VTI1B: variants seen among roughly 807,000 people sequenced by gnomAD.
VTI1B encodes vesicle transport through interaction with t-SNAREs homolog 1B.
In VTI1B, 18 loss-of-function variants were observed where a neutral mutation model predicts 28.6. The observed-to-expected ratio is 0.63, with a 90% CI of 0.43 to 0.93. The LOEUF (loss-of-function observed/expected upper bound fraction) is 0.93, where lower values mean the gene tolerates loss of function less well. Ranked by LOEUF, VTI1B falls within the 40% of genes least tolerant of loss-of-function variation. The pLI is 0.00. For missense variants in VTI1B, 283 were observed against 297.0 expected (o/e 0.95, Z 0.35); for synonymous variants, 100 against 107.9 (o/e 0.93, Z 0.46).
intron 3 of VTI1B, among the ~76,000 whole-genome samples, chr14:67,659,462 C>G (rs986314558): frequency 2.7e-5 from 4 of 150,826 alleles, no homozygotes; most frequent in African/African-American, 4.9e-5. Flanking sequence ...CTACTACATA[C>G]AAAGCACTGT....
intron 1 of VTI1B, among the ~76,000 whole-genome samples, chr14:67,669,220 G>A (rs2037437367): frequency 6.6e-6 from 1 of 151,688 alleles, no homozygotes; most frequent in African/African-American, 2.4e-5. Context: ...TTGAATTCTT[G>A]CTGTTAAATA....
intron 2 of VTI1B, among the ~76,000 whole-genome samples, chr14:67,662,056 T>G (rs1236752131): frequency 1.3e-5 from 2 of 151,626 alleles, no homozygotes; most frequent in African/African-American, 4.9e-5. Flanking sequence ...CTTGGGAGGC[T>G]GAGGCAGGAG....
intron 1 of VTI1B, among the ~76,000 whole-genome samples, chr14:67,664,415 G>A (rs962150621): frequency 9.2e-5 from 14 of 152,156 alleles, no homozygotes; most frequent in African/African-American, 3.4e-4. Context: ...TTGCACGTAT[G>A]GGGATATGGC....
chr14:67,650,748 A>G lies in VTI1B; in HGVS notation c.*637T>C, dbSNP rs368075714. 1.2e-5 allele frequency: 20 copies of G among 1,613,962 alleles called. No individual in the cohort carries two copies. The highest frequency in any genetic ancestry group is 1.6e-5 in the Non-Finnish European group (19 of 1,180,010). On this transcript the variant is annotated 3_prime_UTR_variant, in exon 6 of 6. Coordinates refer to ENST00000554659, the MANE Select transcript of VTI1B (RefSeq NM_006370.3). Reference sequence around the variant, plus strand: ...TCAGCACTGGATCTTGTTGAAGTCAATCCTCAGTTGGCCACCTCAGAGGAA... The same window carrying G: ...TCAGCACTGGATCTTGTTGAAGTCAGTCCTCAGTTGGCCACCTCAGAGGAA...
chr14:67,656,368 C>T, intron 4 of VTI1B, 48 bp downstream of exon 4: 1 of 1,474,426 alleles, frequency 6.8e-7, no homozygotes, highest in Non-Finnish European at 9.1e-7. Flanking sequence ...GTGCAGTGGC[C>T]CCCTAATTAC....
chr14:67,674,478 G>A lies in VTI1B; in HGVS notation c.12C>T (p.Ser4=), dbSNP rs898858539. The A allele has an allele frequency of 8.7e-6, 14 of 1,605,540 alleles. No homozygotes were observed. In the Admixed American group the frequency reaches 2.0e-4, roughly 23 times the overall value. MAS[S]AASSEHFEKL... is the part of the protein sequence containing the mutation. Reference sequence around the variant, plus strand: ...TCTCGAAATGCTCCGAGGAGGCGGCGGAGGAGGCCATGGCGCAGGCCGCGC... The same window carrying A: ...TCTCGAAATGCTCCGAGGAGGCGGCAGAGGAGGCCATGGCGCAGGCCGCGC... Residue 4 remains serine (S), a synonymous_variant, in exon 1 of 6, where the codon TCC becomes TCT. Transcript: ENST00000554659.
At chr14:67,662,190 A>AC (rs1235408308) in intron 2 of VTI1B, among the ~76,000 whole-genome samples, 117 of 151,830 alleles carry the variant, frequency 7.7e-4, no homozygotes, top group African/African-American at 2.6e-3. Flanking sequence ...AAAAAAAAAA[A>AC]CAACAGATTT....
chr14:67,650,526 C>T lies in VTI1B; in HGVS notation c.*859G>A, dbSNP rs185690128. The T allele has an allele frequency of 1.3e-5, 8 of 607,014 alleles. No homozygotes were observed. Among genetic ancestry groups the T allele is most frequent in the Non-Finnish European group, 2.1e-5 (7 of 340,976 alleles). 37.6% of individuals were successfully genotyped at this position (607,014 alleles called of 1,614,324 possible). A position where few individuals can be genotyped will look rare whatever the true frequency, so the allele number is the denominator to read the frequency against. Reference sequence around the variant, plus strand: ...AGGTTTCTTTTAATCTACTATAGCACAACAGTGTTTTAACTTAAATTCATG... The same window carrying T: ...AGGTTTCTTTTAATCTACTATAGCATAACAGTGTTTTAACTTAAATTCATG... On this transcript the variant is annotated 3_prime_UTR_variant, in exon 6 of 6. Coordinates refer to ENST00000554659, the MANE Select transcript of VTI1B (RefSeq NM_006370.3).
chr14:67,659,705 A>C, intron 3 of VTI1B, 26 bp downstream of exon 3: 1 of 1,569,318 alleles, frequency 6.4e-7, no homozygotes, highest in Non-Finnish European at 8.6e-7. Context: ...AGGAAAAAAA[A>C]AACAAACAAA....
At position 67,651,654 on chromosome 14, in the gene VTI1B, A is replaced by ACTGT. The variant is rs144386162; in HGVS notation, c.603-177_603-174dup. The stretch of plus-strand genomic sequence containing the variant: ...TCTTTAGCTGTCACTTAGGGATAAC[A>ACTGT]CTGTCTACCTCACAGAAATGTTAAA... On this transcript the variant is annotated intron_variant, in intron 5 of 5. Coordinates refer to ENST00000554659, the MANE Select transcript of VTI1B (RefSeq NM_006370.3). The ACTGT allele has an allele frequency of 1.5e-3, 807 of 555,020 alleles. 9 individuals are homozygous for ACTGT. The highest frequency in any genetic ancestry group is 0.014 in the African/African-American group (727 of 52,148). 34.4% of individuals were successfully genotyped at this position (555,020 alleles called of 1,614,324 possible). A position where few individuals can be genotyped will look rare whatever the true frequency, so the allele number is the denominator to read the frequency against.
chr14:67,668,661 GA>G (rs11417718), intron 1 of VTI1B, among the ~76,000 whole-genome samples: 2 of 151,998 alleles, frequency 1.3e-5, no homozygotes, highest in Non-Finnish European at 2.9e-5. Context: ...GAAACACAGT[GA>G]AAAAAAGACA....
intron 2 of VTI1B, among the ~76,000 whole-genome samples, chr14:67,661,086 ACAAG>A (rs1201478937): frequency 6.6e-6 from 1 of 152,050 alleles, no homozygotes; most frequent in African/African-American, 2.4e-5. Context: ...CTGATCTTCA[ACAAG>A]CAAGAAGGAA....
chr14:67,657,328 T>G (rs1939311389), intron 3 of VTI1B: 1 of 152,166 alleles, frequency 6.6e-6, no homozygotes, highest in Admixed American at 6.5e-5. Context: ...GAACTTCACC[T>G]AAGGTCAAAC....
Position 67,674,623 on chromosome 14 carries a change from C to A in VTI1B, c.-134G>T. On this transcript the variant is annotated 5_prime_UTR_variant, in exon 1 of 6. Coordinates refer to ENST00000554659, the MANE Select transcript of VTI1B (RefSeq NM_006370.3). ...CACCGCCGCCCAGGACGAGGCTCTT[C>A]CGGAGCCGCGGCAGGGTCCTCTCGA... 1.6e-6 allele frequency: 1 copy of A among 638,226 alleles called. No homozygotes were observed. The highest frequency in any genetic ancestry group is 2.4e-6 in the Non-Finnish European group (1 of 412,092). 39.5% of individuals were successfully genotyped at this position (638,226 alleles called of 1,614,324 possible). A position where few individuals can be genotyped will look rare whatever the true frequency, so the allele number is the denominator to read the frequency against.
At position 67,650,965 on chromosome 14, in the gene VTI1B, T is replaced by C; in HGVS notation, c.*420A>G. The C allele has an allele frequency of 6.4e-7, 1 of 1,573,210 alleles. No individual in the cohort carries two copies. Among genetic ancestry groups the C allele is most frequent in the African/African-American group, 1.3e-5 (1 of 74,236 alleles). On this transcript the variant is annotated 3_prime_UTR_variant, in exon 6 of 6. Coordinates refer to ENST00000554659, the MANE Select transcript of VTI1B (RefSeq NM_006370.3). ...TGTTTCACAACAGGCATTCCAGAATTATGAGGCATTGAGGGGATAGATGAA... is the reference window on the plus strand; with the variant it reads ...TGTTTCACAACAGGCATTCCAGAATCATGAGGCATTGAGGGGATAGATGAA...
chr14:67,650,581 T>C lies in VTI1B; in HGVS notation c.*804A>G. ...AGAGGATGAGGTGCAAGGGGCTTCC[T>C]AAAAATAGGTATTTTCTACTATAAA... On this transcript the variant is annotated 3_prime_UTR_variant, in exon 6 of 6. Transcript: ENST00000554659. The C allele has an allele frequency of 1.3e-6, 1 of 748,672 alleles. No individual in the cohort carries two copies. Among genetic ancestry groups the C allele is most frequent in the Non-Finnish European group, 2.2e-6 (1 of 444,832 alleles). 46.4% of individuals were successfully genotyped at this position (748,672 alleles called of 1,614,324 possible).
chr14:67,674,605 G>C lies in VTI1B; in HGVS notation c.-116C>G. 1 of 785,064 alleles carries C rather than the reference G, an allele frequency of 1.3e-6. No homozygotes were observed. The highest frequency in any genetic ancestry group is 1.9e-6 in the Non-Finnish European group (1 of 540,272). 48.6% of individuals were successfully genotyped at this position (785,064 alleles called of 1,614,324 possible). ...TAACGGCGACCGCCGCACCACCGCCGCCCAGGACGAGGCTCTTCCGGAGCC... is the reference window on the plus strand; with the variant it reads ...TAACGGCGACCGCCGCACCACCGCCCCCCAGGACGAGGCTCTTCCGGAGCC... On this transcript the variant is annotated 5_prime_UTR_variant, in exon 1 of 6. Coordinates refer to ENST00000554659, the MANE Select transcript of VTI1B (RefSeq NM_006370.3).
intron 2 of VTI1B, among the ~76,000 whole-genome samples, chr14:67,662,140 A>G (rs1411296346): frequency 6.6e-6 from 1 of 151,814 alleles, no homozygotes; most frequent in Non-Finnish European, 1.5e-5. Context: ...TGGGCAACAG[A>G]GCGAGACTCT....
chr14:67,662,917 A>AC (rs1461996632), intron 1 of VTI1B: 1 of 1,284,982 alleles, frequency 7.8e-7, no homozygotes. Context: ...AAAAAAAAAA[A>AC]AAAAGAATGT....
Sources: gnomAD v4.1 joint callset for allele counts (sites outside exome capture counted in the v4.1 genomes callset) on GRCh38, gnomAD v4.1.1 for gene constraint, MANE v1.5 for transcripts, NCBI Gene and HGNC (gene_info 2026-07-23, HGNC 2026-07-21) for gene names.